Variants in PRKCA observed in about 807,000 individuals in gnomAD.
The protein encoded by PRKCA is protein kinase C alpha.
In PRKCA, 27 loss-of-function variants were observed where a neutral mutation model predicts 87.0. The ratio of observed to expected loss-of-function variants is 0.31; its 90% CI spans 0.23 to 0.43. The LOEUF is 0.43. Among genes scored for constraint, PRKCA ranks in the 20% least tolerant of loss-of-function variants. PRKCA has a pLI of 1.00. For missense variants in PRKCA, 518 were observed against 852.3 expected (o/e 0.61, Z 4.88); for synonymous variants, 329 against 311.1 (o/e 1.06, Z -0.61).
chr17:66,491,984 A>AGGGGGCATCT (rs1916265535), intron 2 of PRKCA, among the ~76,000 whole-genome samples: 1 of 151,754 alleles, frequency 6.6e-6, no homozygotes, highest in Admixed American at 6.6e-5. Flanking sequence ...TGGGGAGGAG[A>AGGGGGCATCT]GGGGGCATCT....
intron 5 of PRKCA, among the ~76,000 whole-genome samples, chr17:66,645,923 G>A (rs966108222): frequency 3.3e-5 from 5 of 152,176 alleles, no homozygotes; most frequent in Non-Finnish European, 5.9e-5. Context: ...GCCTGTGATG[G>A]CCCAATAAAT....
chr17:66,305,481 A>G (rs1032321637), intron 1 of PRKCA, among the ~76,000 whole-genome samples: 2 of 152,242 alleles, frequency 1.3e-5, no homozygotes, highest in Non-Finnish European at 2.9e-5. Context: ...GTACAAGAAC[A>G]AAATAGCCTC....
rs1047692424 is a variant in PRKCA at position 66,792,068 on chromosome 17, C to A, written c.1854+3089C>A. On this transcript the variant is annotated intron_variant, in intron 16 of 16. Transcript: ENST00000413366. This position sits in a 1 kb window ranked among gnomAD's most constrained non-coding sequence, Gnocchi z 4.5. Reference sequence around the variant, plus strand: ...AGCGACTCTCACCGTGAGCCCATTTCTGAGTGGCTCTCGCCTCTCAGCAGT... The same window carrying A: ...AGCGACTCTCACCGTGAGCCCATTTATGAGTGGCTCTCGCCTCTCAGCAGT... Among the ~76,000 whole-genome samples the A allele has an allele frequency of 6.6e-6, 1 of 152,224 alleles. No individual in the cohort carries two copies. The highest frequency in any genetic ancestry group is 2.1e-4 in the South Asian group (1 of 4,834).
intron 14 of PRKCA, among the ~76,000 whole-genome samples, chr17:66,786,113 C>T (rs1405719307): frequency 1.3e-5 from 2 of 152,232 alleles, no homozygotes; most frequent in Non-Finnish European, 2.9e-5. Context: ...CAGGCGTGAG[C>T]CACCGCGCCC....
chr17:66,612,381 C>CAA (rs1200272317), intron 3 of PRKCA, among the ~76,000 whole-genome samples: 4,350 of 87,628 alleles, frequency 0.05, 227 homozygotes, highest in African/African-American at 0.13. Flanking sequence ...AAATCTGTCT[C>CAA]AAAAAAAAAA....
At chr17:66,784,044 G>A (rs1296281332) in intron 14 of PRKCA, among the ~76,000 whole-genome samples, 1 of 152,202 alleles carries the variant, frequency 6.6e-6, no homozygotes, top group Non-Finnish European at 1.5e-5. Flanking sequence ...TTTTCATTTT[G>A]CACTGAGACT....
intron 2 of PRKCA, among the ~76,000 whole-genome samples, chr17:66,346,240 G>A (rs761205218): frequency 6.6e-6 from 1 of 151,834 alleles, no homozygotes; most frequent in Non-Finnish European, 1.5e-5. Flanking sequence ...GGGACTACAG[G>A]CACGTGCCAC....
At chr17:66,725,829 C>T (rs1162718956) in intron 8 of PRKCA, among the ~76,000 whole-genome samples, 2 of 150,512 alleles carry the variant, frequency 1.3e-5, no homozygotes, top group Non-Finnish European at 3.0e-5. Flanking sequence ...AAAAAAATTC[C>T]AAGAAGGAAT....
chr17:66,643,802 T>C (rs1324841722), intron 4 of PRKCA, among the ~76,000 whole-genome samples: 3 of 152,122 alleles, frequency 2.0e-5, no homozygotes, highest in African/African-American at 2.4e-5. Context: ...CCTGGTGCAA[T>C]TGCAATCCTA....
At chr17:66,447,837 C>G (rs905177090) in intron 2 of PRKCA, among the ~76,000 whole-genome samples, 2 of 152,226 alleles carry the variant, frequency 1.3e-5, no homozygotes, top group Non-Finnish European at 2.9e-5. Context: ...GATGCTCTTT[C>G]TCTTTCTTGT....
At chr17:66,612,581 A>G (rs1307418176) in intron 3 of PRKCA, among the ~76,000 whole-genome samples, 2 of 152,084 alleles carry the variant, frequency 1.3e-5, no homozygotes, top group African/African-American at 2.4e-5. Flanking sequence ...GCCTATTAGG[A>G]TGGGTGCTAA....
intron 3 of PRKCA, among the ~76,000 whole-genome samples, chr17:66,607,577 G>A (rs939209409): frequency 1.1e-4 from 17 of 152,176 alleles, no homozygotes; most frequent in East Asian, 3.8e-4. Context: ...AAGAATGTGC[G>A]TCAAACTAAG....
intron 8 of PRKCA, among the ~76,000 whole-genome samples, chr17:66,715,758 T>C (rs1265962153): frequency 1.3e-5 from 2 of 152,190 alleles, no homozygotes; most frequent in Non-Finnish European, 2.9e-5. Context: ...TCTGCGTAGA[T>C]ACAATTTTGT....
rs1364686971 is a variant in PRKCA, at chr17:66,804,661, A to G, written c.*624A>G. 1 of 152,540 alleles carries G rather than the reference A, an allele frequency of 6.6e-6. No homozygotes were observed. Among genetic ancestry groups the G allele is most frequent in the Non-Finnish European group, 1.5e-5 (1 of 68,106 alleles). 9.4% of individuals were successfully genotyped at this position (152,540 alleles called of 1,614,324 possible). On this transcript the variant is annotated 3_prime_UTR_variant, in exon 17 of 17. Transcript: ENST00000413366. ...CCAGCAGTTACCAGTTTAAACAAAAAAACCTCAGATGAGTGTTGGGTGAAT... is the reference window on the plus strand; with the variant it reads ...CCAGCAGTTACCAGTTTAAACAAAAGAACCTCAGATGAGTGTTGGGTGAAT...
intron 3 of PRKCA, among the ~76,000 whole-genome samples, chr17:66,578,456 G>C (rs1367302186): frequency 1.3e-5 from 2 of 152,178 alleles, no homozygotes; most frequent in African/African-American, 4.8e-5. Context: ...AAATTACAAT[G>C]GTTCAAGCAG....
chr17:66,328,976 G>A (rs1906157626), intron 2 of PRKCA, among the ~76,000 whole-genome samples: 1 of 152,188 alleles, frequency 6.6e-6, no homozygotes, highest in Admixed American at 6.5e-5. Context: ...CTTTCAAAGG[G>A]CTTTAAGCAA....
In PRKCA at chr17:66,416,657, T is replaced by G. The variant is rs564194518; in HGVS notation, c.206-79544T>G. On this transcript the variant is annotated intron_variant, in intron 2 of 16. Transcript: ENST00000413366. ...GCTGTTGTTATCCCTAGTTTAGAGA[T>G]ATCAAAGAAGTTGAACAAGCCCCAT... The G allele has an allele frequency of 2.6e-5, 4 of 152,292 alleles. No homozygotes were observed. The East Asian group carries it at 7.7e-4, about 30-fold the overall frequency. The allele number at this position is 152,292 out of a possible 1,614,324, so 9.4% of individuals were successfully genotyped here.
At chr17:66,706,183 C>A (rs1026508168) in intron 8 of PRKCA, among the ~76,000 whole-genome samples, 1 of 152,168 alleles carries the variant, frequency 6.6e-6, no homozygotes, top group Non-Finnish European at 1.5e-5. Flanking sequence ...GAAGATGAAA[C>A]CTGTTGACTG....
chr17:66,626,433 C>T lies in PRKCA; in HGVS notation c.289-14922C>T, dbSNP rs372164446. Among the ~76,000 whole-genome samples, 28 of 150,748 alleles carry T rather than the reference C, an allele frequency of 1.9e-4. 1 individual carries two copies. In the South Asian group the frequency reaches 4.6e-3, roughly 25 times the overall value. ...CTGGAGTGTAGTGGCGCAGTCTTGA[C>T]TCACTGCAACCTCCGCCTCCTGGGT... On this transcript the variant is annotated intron_variant, in intron 3 of 16. Transcript: ENST00000413366.
Sources: allele counts gnomAD v4.1 joint callset (sites outside exome capture counted in the v4.1 genomes callset), GRCh38; gene constraint gnomAD v4.1.1; non-coding constraint Gnocchi (gnomAD v3.1); transcripts MANE v1.5; gene names NCBI Gene and HGNC (gene_info 2026-07-23, HGNC 2026-07-21).